The following CNOT4 variants were observed in gnomAD, a reference collection of about 807,000 sequenced individuals.
The protein encoded by CNOT4 is CCR4-NOT transcription complex subunit 4.
In CNOT4, 8 loss-of-function variants were observed where a neutral mutation model predicts 73.8. The ratio of observed to expected loss-of-function variants is 0.11; its 90% CI spans 0.06 to 0.20. The LOEUF (loss-of-function observed/expected upper bound fraction) is 0.20. Ranked by LOEUF, CNOT4 falls within the 10% of genes least tolerant of loss-of-function variation. The pLI, the probability that CNOT4 is intolerant of heterozygous loss-of-function variation, is 1.00. For missense variants in CNOT4, 564 were observed against 883.4 expected (o/e 0.64, Z 4.58); for synonymous variants, 293 against 321.1 (o/e 0.91, Z 0.94).
intron 1 of CNOT4, among the ~76,000 whole-genome samples, chr7:135,440,541 A>G (rs950656824): frequency 2.6e-5 from 4 of 152,142 alleles, no homozygotes; most frequent in Non-Finnish European, 5.9e-5. Flanking sequence ...ACTCCCTTAT[A>G]CCACCTCCTA....
At chr7:135,496,760 C>A (rs1803613644) in intron 1 of CNOT4, among the ~76,000 whole-genome samples, 1 of 152,004 alleles carries the variant, frequency 6.6e-6, no homozygotes, top group South Asian at 2.1e-4. Flanking sequence ...TTCACTTCTA[C>A]CCCTGAAACG....
intron 1 of CNOT4, among the ~76,000 whole-genome samples, chr7:135,478,813 A>G (rs1209227645): frequency 6.6e-6 from 1 of 152,176 alleles, no homozygotes; most frequent in African/African-American, 2.4e-5. Flanking sequence ...AAAAACACCA[A>G]AAAATAAGGT....
chr7:135,477,518 G>A (rs1018559773), intron 1 of CNOT4, among the ~76,000 whole-genome samples: 2 of 152,030 alleles, frequency 1.3e-5, no homozygotes, highest in African/African-American at 4.8e-5. Context: ...ATACACTCAC[G>A]AATATATCTT....
chr7:135,499,119 T>G (rs1171275108), intron 1 of CNOT4, among the ~76,000 whole-genome samples: 1 of 152,162 alleles, frequency 6.6e-6, no homozygotes, highest in Non-Finnish European at 1.5e-5. Flanking sequence ...TACAACATTA[T>G]CATTTTCTTC....
intron 1 of CNOT4, among the ~76,000 whole-genome samples, chr7:135,465,731 C>CA (rs560717165): frequency 0.15 from 21,757 of 142,610 alleles, 1,766 homozygotes; most frequent in Non-Finnish European, 0.2. Flanking sequence ...GTGTGTTTAA[C>CA]AAAAAAAAAA....
chr7:135,498,799 G>A (rs543802529), intron 1 of CNOT4, among the ~76,000 whole-genome samples: 24 of 152,122 alleles, frequency 1.6e-4, no homozygotes, highest in South Asian at 2.1e-4. Context: ...CACCTGCCTC[G>A]GCCTCCCAAA....
intron 1 of CNOT4, among the ~76,000 whole-genome samples, chr7:135,450,906 G>A (rs375927163): frequency 1.1e-4 from 16 of 152,050 alleles, no homozygotes; most frequent in African/African-American, 3.6e-4. Context: ...GCAGTGAGCC[G>A]AGATCACGCC....
chr7:135,468,224 A>G (rs79824216), intron 1 of CNOT4, among the ~76,000 whole-genome samples: 1 of 152,042 alleles, frequency 6.6e-6, no homozygotes, highest in African/African-American at 2.4e-5. Context: ...TCAAAAAAAT[A>G]AAATGAAATA....
At chr7:135,411,905 T>C (rs749041722) in intron 6 of CNOT4, among the ~76,000 whole-genome samples, 2 of 151,918 alleles carry the variant, frequency 1.3e-5, no homozygotes, top group Non-Finnish European at 2.9e-5. Flanking sequence ...AGTTACGCAG[T>C]AACAAGGAAA....
At chr7:135,445,810 G>C (rs1799789832) in intron 1 of CNOT4, among the ~76,000 whole-genome samples, 1 of 152,120 alleles carries the variant, frequency 6.6e-6, no homozygotes, top group Admixed American at 6.5e-5. Context: ...AATGAACCCT[G>C]AAAACACTAT....
intron 1 of CNOT4, among the ~76,000 whole-genome samples, chr7:135,506,410 G>A (rs4732127): frequency 1.3e-5 from 2 of 152,124 alleles, no homozygotes; most frequent in African/African-American, 4.8e-5. Flanking sequence ...CAGTATTATA[G>A]TTACTGTAAG....
rs573725379 is a variant in CNOT4 at position 135,424,824 on chromosome 7, C to A, written c.175-2471G>T. 3.3e-5 allele frequency among the ~76,000 whole-genome samples: 5 copies of A among 151,956 alleles called. No individual in the cohort carries two copies. In the South Asian group the frequency reaches 1.0e-3, roughly 32 times the overall value. On this transcript the variant is annotated intron_variant, in intron 2 of 11. Coordinates refer to ENST00000541284, the MANE Select transcript of CNOT4 (RefSeq NM_001190850.2). ...AAACAAACAAACAAACAAAAAAAAA[C>A]AAACAAGTTCATTTGAAAGCTGTTG... is the stretch of plus-strand genomic sequence containing the variant.
At chr7:135,427,601 T>C (rs537705297) in intron 2 of CNOT4, among the ~76,000 whole-genome samples, 4 of 152,362 alleles carry the variant, frequency 2.6e-5, no homozygotes, top group Admixed American at 2.0e-4. Flanking sequence ...CCAAGAGTTA[T>C]GGAAGACCAT....
At chr7:135,402,455 A>G (rs182789794) in intron 7 of CNOT4, among the ~76,000 whole-genome samples, 1 of 152,296 alleles carries the variant, frequency 6.6e-6, no homozygotes, top group East Asian at 1.9e-4. Context: ...TTAACCCAAA[A>G]GGGCAACAGA....
At chr7:135,402,662 T>C (rs1797062691) in intron 7 of CNOT4, among the ~76,000 whole-genome samples, 1 of 152,150 alleles carries the variant, frequency 6.6e-6, no homozygotes, top group Admixed American at 6.5e-5. Flanking sequence ...TCTCAAATTA[T>C]TAGATTTCAC....
intron 10 of CNOT4, among the ~76,000 whole-genome samples, chr7:135,374,147 C>A (rs1419879981): frequency 6.6e-6 from 1 of 152,144 alleles, no homozygotes; most frequent in Non-Finnish European, 1.5e-5. Context: ...TATCCCACGG[C>A]CTACTTCCTT....
intron 7 of CNOT4, among the ~76,000 whole-genome samples, chr7:135,410,132 G>T (rs1249924437): frequency 1.3e-5 from 2 of 152,046 alleles, no homozygotes. Context: ...GCTTCCTTCA[G>T]ATAACACCCA....
At chr7:135,399,224 T>C (rs916234216) in intron 7 of CNOT4, among the ~76,000 whole-genome samples, 1 of 152,074 alleles carries the variant, frequency 6.6e-6, no homozygotes, top group African/African-American at 2.4e-5. Context: ...CATGCATTGA[T>C]AGGTGATTTT....
chr7:135,417,534 T>C (rs1465685346), intron 3 of CNOT4, among the ~76,000 whole-genome samples: 3 of 152,222 alleles, frequency 2.0e-5, no homozygotes, highest in Admixed American at 1.3e-4. Flanking sequence ...CACTGGTTTA[T>C]GGAAATGTTT....
Sources: gnomAD v4.1 joint callset for allele counts (sites outside exome capture counted in the v4.1 genomes callset) on GRCh38, gnomAD v4.1.1 for gene constraint, MANE v1.5 for transcripts, NCBI Gene and HGNC (gene_info 2026-07-23, HGNC 2026-07-21) for gene names.